The following MB21D2 variants were observed in gnomAD, a reference collection of about 807,000 sequenced individuals.
MB21D2 encodes nucleotidyltransferase MB21D2.
MB21D2 carries 9 observed loss-of-function variants against 33.3 expected under a neutral mutation model. That is an observed-to-expected ratio of 0.27 (90% CI 0.16 to 0.47). MB21D2 has a LOEUF of 0.47. Among genes scored for constraint, MB21D2 ranks in the 20% least tolerant of loss-of-function variants. The pLI, the probability that MB21D2 is intolerant of heterozygous loss-of-function variation, is 0.99. For missense variants in MB21D2, 540 were observed against 624.6 expected, an observed-to-expected ratio of 0.86 and a Z score of 1.44; for synonymous variants, 241 against 236.3, an observed-to-expected ratio of 1.02 and a Z score of -0.18.
chr3:192,830,160 C>T (rs938484320), intron 1 of MB21D2, among the ~76,000 whole-genome samples: 1 of 151,968 alleles, frequency 6.6e-6, no homozygotes, highest in Non-Finnish European at 1.5e-5. Flanking sequence ...CTACGTTCTT[C>T]ATTTTATTCA....
chr3:192,821,508 A>AGC (rs1044023186), intron 1 of MB21D2, among the ~76,000 whole-genome samples: 3 of 152,188 alleles, frequency 2.0e-5, no homozygotes, highest in Non-Finnish European at 4.4e-5. Flanking sequence ...TCCAGGCACA[A>AGC]GCAGGGAGCA....
intron 1 of MB21D2, among the ~76,000 whole-genome samples, chr3:192,879,088 G>T (rs532758635): frequency 6.6e-6 from 1 of 152,294 alleles, no homozygotes; most frequent in African/African-American, 2.4e-5. Context: ...ACTTCTGCAG[G>T]CCTTCCCTAT....
At position 192,833,651 on chromosome 3, in the gene MB21D2, T is replaced by G. The variant is rs536312218; in HGVS notation, c.212-34001A>C. On this transcript the variant is annotated intron_variant, in intron 1 of 1. Coordinates refer to ENST00000392452, the MANE Select transcript of MB21D2 (RefSeq NM_178496.4). ...TCCAGCCTTACAGAGCAAGGAGACG[T>G]GGGGCAAGGGTTTCCATAATCAACC... Among the ~76,000 whole-genome samples, 6 of 152,294 alleles carry G rather than the reference T, an allele frequency of 3.9e-5. No homozygotes were observed. The South Asian group carries it at 1.2e-3, about 32-fold the overall frequency.
At chr3:192,879,142 C>G (rs2108641894) in intron 1 of MB21D2, among the ~76,000 whole-genome samples, 2 of 152,334 alleles carry the variant, frequency 1.3e-5, no homozygotes. Flanking sequence ...ACATCAGGGG[C>G]TGGCTAAGGC....
intron 1 of MB21D2, among the ~76,000 whole-genome samples, chr3:192,837,693 G>A (rs1019665591): frequency 6.6e-6 from 1 of 152,174 alleles, no homozygotes; most frequent in Admixed American, 6.5e-5. Flanking sequence ...AAAAAATATA[G>A]ATTCCAAAAC....
intron 1 of MB21D2, among the ~76,000 whole-genome samples, chr3:192,831,541 A>T (rs1406765624): frequency 6.6e-6 from 1 of 152,250 alleles, no homozygotes; most frequent in African/African-American, 2.4e-5. Context: ...TTCCATAGTC[A>T]CGTCACCTTC....
chr3:192,849,316 T>TG (rs66792694), intron 1 of MB21D2, among the ~76,000 whole-genome samples: 50,040 of 92,192 alleles, frequency 0.54, 14,017 homozygotes, highest in Admixed American at 0.66. Context: ...TCTCTTTTTT[T>TG]GGGGGGGGGG....
At chr3:192,917,120 C>T (rs1714484504) in intron 1 of MB21D2, among the ~76,000 whole-genome samples, 1 of 152,242 alleles carries the variant, frequency 6.6e-6, no homozygotes, top group Admixed American at 6.5e-5. Flanking sequence ...CATGACAGCG[C>T]CGCGCCGCGA....
chr3:192,842,165 T>C (rs1712587822), intron 1 of MB21D2, among the ~76,000 whole-genome samples: 1 of 152,150 alleles, frequency 6.6e-6, no homozygotes, highest in Non-Finnish European at 1.5e-5. Flanking sequence ...GTAACGACCC[T>C]GTGGGGGAAA....
At chr3:192,899,221 T>C (rs1308288056) in intron 1 of MB21D2, among the ~76,000 whole-genome samples, 1 of 152,126 alleles carries the variant, frequency 6.6e-6, no homozygotes, top group Admixed American at 6.5e-5. Flanking sequence ...CCAAGAACCT[T>C]GTAGAACAGG....
At chr3:192,828,373 G>A (rs1193990218) in intron 1 of MB21D2, among the ~76,000 whole-genome samples, 3 of 151,296 alleles carry the variant, frequency 2.0e-5, no homozygotes, top group African/African-American at 7.3e-5. Context: ...CCTGGAGTGT[G>A]CTCTAGAATG....
At chr3:192,902,187 G>A (rs969297284) in intron 1 of MB21D2, among the ~76,000 whole-genome samples, 6 of 152,130 alleles carry the variant, frequency 3.9e-5, no homozygotes, top group African/African-American at 7.2e-5. Flanking sequence ...ATTAGCAACC[G>A]GCTTTCAGGA....
chr3:192,844,782 G>A (rs1433408734), intron 1 of MB21D2, among the ~76,000 whole-genome samples: 1 of 152,176 alleles, frequency 6.6e-6, no homozygotes, highest in Non-Finnish European at 1.5e-5. Flanking sequence ...ATTCCAGCCT[G>A]TTCCTTCACA....
At chr3:192,913,030 G>C (rs1051391781) in intron 1 of MB21D2, among the ~76,000 whole-genome samples, 3 of 152,234 alleles carry the variant, frequency 2.0e-5, no homozygotes, top group Non-Finnish European at 4.4e-5. Context: ...CATGGTATGA[G>C]CCAAAATCCT....
chr3:192,910,575 C>T (rs1056468901), intron 1 of MB21D2, among the ~76,000 whole-genome samples: 1 of 152,176 alleles, frequency 6.6e-6, no homozygotes, highest in Non-Finnish European at 1.5e-5. Context: ...AGGAAAACAT[C>T]ATTCTACAAG....
At chr3:192,859,928 T>C (rs1176329002) in intron 1 of MB21D2, among the ~76,000 whole-genome samples, 2 of 152,078 alleles carry the variant, frequency 1.3e-5, no homozygotes, top group East Asian at 3.9e-4. Context: ...GGTTCCTCTG[T>C]CTGAAATGTA....
intron 1 of MB21D2, among the ~76,000 whole-genome samples, chr3:192,907,829 GA>G (rs1325207297): frequency 1.3e-5 from 2 of 152,126 alleles, no homozygotes; most frequent in Non-Finnish European, 2.9e-5. Context: ...GCCATAATGA[GA>G]AAGATAACGT....
At chr3:192,810,223 T>C (rs1711755940) in intron 1 of MB21D2, among the ~76,000 whole-genome samples, 1 of 152,204 alleles carries the variant, frequency 6.6e-6, no homozygotes, top group South Asian at 2.1e-4. Flanking sequence ...GAATTCTGTG[T>C]CTTCTCTAAA....
chr3:192,799,000 G>A lies in MB21D2; in HGVS notation c.862C>T (p.Arg288Trp), dbSNP rs1273131293. 6 of 1,613,900 alleles carry A rather than the reference G, an allele frequency of 3.7e-6. No homozygotes were observed. Among genetic ancestry groups the A allele is most frequent in the Non-Finnish European group, 3.4e-6 (4 of 1,180,020 alleles). ...SYKGKKDNEW[R>W]LSFARSEVQL... is the part of the protein sequence containing the mutation. ...ACCTCGCTCCTGGCAAAGGACAGCC[G>A]CCATTCATTGTCCTTCTTACCCTTG... Residue 288 changes from arginine to tryptophan, a missense_variant, in exon 2 of 2, where the codon CGG (arginine) becomes TGG (tryptophan). Physicochemically the swap from Arg to Trp is moderately radical, Grantham distance 101. Coordinates refer to ENST00000392452, the MANE Select transcript of MB21D2 (RefSeq NM_178496.4). This position sits in a 1 kb window ranked among gnomAD's most constrained non-coding sequence, Gnocchi z 4.8.
Sources: gnomAD v4.1 joint callset for allele counts (sites outside exome capture counted in the v4.1 genomes callset) on GRCh38, gnomAD v4.1.1 for gene constraint, Gnocchi (gnomAD v3.1) non-coding constraint, MANE v1.5 for transcripts, NCBI Gene and HGNC (gene_info 2026-07-23, HGNC 2026-07-21) for gene names.